REDIC1: variants seen among roughly 807,000 people sequenced by gnomAD.
REDIC1 encodes the protein regulator of DNA class I crossover intermediates 1, also known as HEI10 Interacting Protein 1.
the REDIC1 span, among the ~76,000 whole-genome samples, chr12:39,846,054 G>GT: frequency 6.6e-6 from 1 of 152,048 alleles, no homozygotes; most frequent in Non-Finnish European, 1.5e-5. Context: ...TTTTTCTCAT[G>GT]TTCATCTACC....
chr12:39,763,628 C>A, the REDIC1 span, among the ~76,000 whole-genome samples: 1 of 152,056 alleles, frequency 6.6e-6, no homozygotes, highest in South Asian at 2.1e-4. Context: ...AAAGAGATTG[C>A]GGGGAGATGA....
At chr12:39,795,853 G>A in the REDIC1 span, among the ~76,000 whole-genome samples, 2 of 152,050 alleles carry the variant, frequency 1.3e-5, no homozygotes, top group African/African-American at 2.4e-5. Context: ...ATGCATTGGG[G>A]CATTTTTTTC....
At chr12:39,746,561 C>T in the REDIC1 span, among the ~76,000 whole-genome samples, 1 of 152,200 alleles carries the variant, frequency 6.6e-6, no homozygotes, top group Non-Finnish European at 1.5e-5. Flanking sequence ...CCCTGTCTGA[C>T]AGCTTTGAAG....
At chr12:39,833,383 A>T in the REDIC1 span, among the ~76,000 whole-genome samples, 1 of 151,918 alleles carries the variant, frequency 6.6e-6, no homozygotes, top group Non-Finnish European at 1.5e-5. Context: ...TCCAAGAACA[A>T]CTGCTCTGCT....
the REDIC1 span, among the ~76,000 whole-genome samples, chr12:39,707,467 A>G: frequency 6.6e-6 from 1 of 151,936 alleles, no homozygotes; most frequent in Non-Finnish European, 1.5e-5. Flanking sequence ...TCAAAAAACT[A>G]AAAATAGAGC....
chr12:39,872,047 G>A, the REDIC1 span: 1 of 1,190,614 alleles, frequency 8.4e-7, no homozygotes, highest in East Asian at 2.9e-5. Context: ...TATTCAATTT[G>A]AAAAAAATAT....
chr12:39,774,829 T>C, the REDIC1 span, among the ~76,000 whole-genome samples: 4 of 152,302 alleles, frequency 2.6e-5, no homozygotes, highest in East Asian at 7.7e-4. Context: ...TATCGGTATA[T>C]TGACTACCTT....
At chr12:39,669,970 G>A in the REDIC1 span, among the ~76,000 whole-genome samples, 12 of 152,166 alleles carry the variant, frequency 7.9e-5, no homozygotes, top group African/African-American at 2.7e-4. Flanking sequence ...TTGACTAGGA[G>A]AGGGAATTCC....
At chr12:39,713,323 T>TACACACAC in the REDIC1 span, among the ~76,000 whole-genome samples, 399 of 145,062 alleles carry the variant, frequency 2.8e-3, 18 homozygotes, top group Non-Finnish European at 4.7e-3. Flanking sequence ...TATATATGTG[T>TACACACAC]ATACACATAT....
chr12:39,867,436 C>T, the REDIC1 span, among the ~76,000 whole-genome samples: 2 of 151,828 alleles, frequency 1.3e-5, no homozygotes, highest in East Asian at 1.9e-4. Flanking sequence ...TATACATTTT[C>T]GCAATGTTGG....
the REDIC1 span, among the ~76,000 whole-genome samples, chr12:39,786,121 G>A: frequency 6.6e-6 from 1 of 152,254 alleles, no homozygotes; most frequent in Admixed American, 6.5e-5. Flanking sequence ...GGAGGGGCCA[G>A]GGGCGGAATG....
the REDIC1 span, among the ~76,000 whole-genome samples, chr12:39,704,260 AG>A: frequency 6.6e-6 from 1 of 152,252 alleles, no homozygotes; most frequent in African/African-American, 2.4e-5. Context: ...AAGTGGGCAA[AG>A]GATATGAACA....
the REDIC1 span, among the ~76,000 whole-genome samples, chr12:39,790,082 T>C: frequency 6.6e-6 from 1 of 151,128 alleles, no homozygotes; most frequent in Non-Finnish European, 1.5e-5. Context: ...TTTCAATATA[T>C]ATTCAATATA....
At chr12:39,789,502 A>G in the REDIC1 span, among the ~76,000 whole-genome samples, 1 of 152,178 alleles carries the variant, frequency 6.6e-6, no homozygotes, top group Non-Finnish European at 1.5e-5. Flanking sequence ...TGCTATGCAC[A>G]TATTTTTAAC....
At chr12:39,633,995 G>T in the REDIC1 span, among the ~76,000 whole-genome samples, 1 of 152,284 alleles carries the variant, frequency 6.6e-6, no homozygotes, top group African/African-American at 2.4e-5. Context: ...GAGGGGGATA[G>T]CACTGAATGT....
chr12:39,907,292 A>G, the REDIC1 span, among the ~76,000 whole-genome samples: 4 of 152,270 alleles, frequency 2.6e-5, no homozygotes, highest in African/African-American at 7.2e-5. Flanking sequence ...AAGAGAACAT[A>G]TATGTATTAT....
chr12:39,650,171 GTAAA>G, the REDIC1 span: 3 of 1,324,772 alleles, frequency 2.3e-6, no homozygotes, highest in Non-Finnish European at 2.9e-6. This position sits in a 1 kb window ranked among gnomAD's most constrained non-coding sequence, Gnocchi z 4.3. Flanking sequence ...ACATTTTATG[GTAAA>G]TAATTTAAAT....
At chr12:39,852,295 T>G in the REDIC1 span, among the ~76,000 whole-genome samples, 2 of 152,232 alleles carry the variant, frequency 1.3e-5, no homozygotes, top group Non-Finnish European at 2.9e-5. Flanking sequence ...TTTCCCTTTA[T>G]GGGCCTAAAG....
the REDIC1 span, among the ~76,000 whole-genome samples, chr12:39,898,918 A>G: frequency 6.6e-6 from 1 of 152,202 alleles, no homozygotes; most frequent in Non-Finnish European, 1.5e-5. Flanking sequence ...GGAGAGAAGG[A>G]AAAGAAGAGT....
Sources: gnomAD v4.1 joint callset for allele counts (sites outside exome capture counted in the v4.1 genomes callset) on GRCh38, gnomAD v4.1.1 for gene constraint, Gnocchi (gnomAD v3.1) non-coding constraint, MANE v1.5 for transcripts, NCBI Gene and HGNC (gene_info 2026-07-23, HGNC 2026-07-21) for gene names.